Variants in ZBTB5 observed in about 807,000 individuals in gnomAD.
The protein encoded by ZBTB5 is zinc finger and BTB domain containing 5.
A neutral mutation model predicts 37.9 loss-of-function variants in ZBTB5; 15 were observed. The observed-to-expected ratio is 0.40, with a 90% CI of 0.26 to 0.61. The LOEUF (loss-of-function observed/expected upper bound fraction) is 0.61. Among genes scored for constraint, ZBTB5 ranks in the 20% least tolerant of loss-of-function variants. The pLI is 0.47. For missense variants in ZBTB5, 708 were observed against 856.8 expected (o/e 0.83, Z 2.17); for synonymous variants, 315 against 312.4 (o/e 1.01, Z -0.09).
intron 1 of ZBTB5, among the ~76,000 whole-genome samples, chr9:37,464,037 C>T (rs1824343235): frequency 6.6e-6 from 1 of 152,178 alleles, no homozygotes; most frequent in South Asian, 2.1e-4. Context: ...AGGGGCTTTT[C>T]TCTAAAATTC....
intron 1 of ZBTB5, among the ~76,000 whole-genome samples, chr9:37,460,200 G>A (rs1198827027): frequency 6.6e-6 from 1 of 151,874 alleles, no homozygotes; most frequent in African/African-American, 2.4e-5. Flanking sequence ...CACTTTGGGA[G>A]GCCGAGGCGG....
chr9:37,459,686 C>G (rs1423198863), intron 1 of ZBTB5, among the ~76,000 whole-genome samples: 2 of 147,866 alleles, frequency 1.4e-5, no homozygotes, highest in Non-Finnish European at 3.0e-5. Context: ...GCTGGGATTA[C>G]AGGCGTGCAC....
At chr9:37,461,468 C>T (rs7847209) in intron 1 of ZBTB5, among the ~76,000 whole-genome samples, 9,261 of 152,302 alleles carry the variant, frequency 0.061, 335 homozygotes, top group African/African-American at 0.11. Flanking sequence ...GGCTCTCATG[C>T]CTGTAATCAC....
intron 1 of ZBTB5, among the ~76,000 whole-genome samples, chr9:37,446,100 C>G (rs960079030): frequency 6.6e-6 from 1 of 152,038 alleles, no homozygotes; most frequent in Non-Finnish European, 1.5e-5. Context: ...GAGCAAGTCT[C>G]TGTCTCAAAT....
rs77950374 is a variant in ZBTB5 at position 37,457,784 on chromosome 9, C to A, written c.-5+7431G>T. On this transcript the variant is annotated intron_variant, in intron 1 of 1. Coordinates refer to ENST00000307750, the MANE Select transcript of ZBTB5 (RefSeq NM_014872.3). Reference sequence around the variant, plus strand: ...TAGGTCTTGGTTGGATTTGGACAAACCCCTAGACAGAGGTAAAGGTGGAGA... The same window carrying A: ...TAGGTCTTGGTTGGATTTGGACAAAACCCTAGACAGAGGTAAAGGTGGAGA... Among the ~76,000 whole-genome samples, 1,314 of 152,248 alleles carry A rather than the reference C, an allele frequency of 8.6e-3. 9 individuals are homozygous for A. Among genetic ancestry groups the A allele is most frequent in the Non-Finnish European group, 0.013 (900 of 68,012 alleles).
At chr9:37,460,894 GAA>G (rs58774719) in intron 1 of ZBTB5, among the ~76,000 whole-genome samples, 16 of 149,182 alleles carry the variant, frequency 1.1e-4, no homozygotes, top group Middle Eastern at 3.4e-3. Context: ...AAAGTAGAAA[GAA>G]AAAAAAAAAC....
At position 37,440,992 on chromosome 9, in the gene ZBTB5, T is replaced by C. The variant is rs753025849; in HGVS notation, c.1560A>G (p.Val520=). 1 of 1,614,174 alleles carries C rather than the reference T, an allele frequency of 6.2e-7. No individual in the cohort carries two copies. ...CTCCTCCCCTTGGGGAACCTATCATTACCCTGGAGAAGGAGGAGTGGAGGC... is the reference window on the plus strand; with the variant it reads ...CTCCTCCCCTTGGGGAACCTATCATCACCCTGGAGAAGGAGGAGTGGAGGC... ...GLGLHSSFSR[V]MIGSPRGGAS... Residue 520 remains valine (V), a synonymous_variant, in exon 2 of 2, where the codon GTA becomes GTG. Transcript: ENST00000307750.
At chr9:37,448,117 G>C (rs550360091) in intron 1 of ZBTB5, among the ~76,000 whole-genome samples, 5 of 152,106 alleles carry the variant, frequency 3.3e-5, no homozygotes, top group Non-Finnish European at 7.4e-5. Context: ...CCCCAACAAA[G>C]ATAAAAGGTT....
rs574585750 is a variant in ZBTB5, at chr9:37,457,459, G to A, written c.-5+7756C>T. ...TGCTCTGGCTGGTCTCGAACTCCTG[G>A]GCTCAGGTATTCCTCCTACCTTGGC... is the stretch of plus-strand genomic sequence containing the variant. On this transcript the variant is annotated intron_variant, in intron 1 of 1. Coordinates refer to ENST00000307750, the MANE Select transcript of ZBTB5 (RefSeq NM_014872.3). Among the ~76,000 whole-genome samples, 11 of 152,216 alleles carry A rather than the reference G, an allele frequency of 7.2e-5. No homozygotes were observed. In the South Asian group the frequency reaches 2.1e-3, roughly 29 times the overall value.
In ZBTB5 at chr9:37,440,369, T is replaced by C. The variant is rs1353175691; in HGVS notation, c.*149A>G. 1.5e-6 allele frequency: 1 copy of C among 647,808 alleles called. No individual in the cohort carries two copies. Among genetic ancestry groups the C allele is most frequent in the Non-Finnish European group, 2.6e-6 (1 of 380,920 alleles). 40.1% of individuals were successfully genotyped at this position (647,808 alleles called of 1,614,324 possible). ...TCACTCAGAAATGCAGCAGCACAAATACTACATGTTAGTTCTCCGGTTATT... is the reference window on the plus strand; with the variant it reads ...TCACTCAGAAATGCAGCAGCACAAACACTACATGTTAGTTCTCCGGTTATT... On this transcript the variant is annotated 3_prime_UTR_variant, in exon 2 of 2. Transcript: ENST00000307750.
chr9:37,449,484 G>A (rs997853315), intron 1 of ZBTB5, among the ~76,000 whole-genome samples: 1 of 152,056 alleles, frequency 6.6e-6, no homozygotes, highest in African/African-American at 2.4e-5. Flanking sequence ...GATCACTTGA[G>A]GCCAGGAGTT....
At chr9:37,461,602 G>T (rs1824294709) in intron 1 of ZBTB5, among the ~76,000 whole-genome samples, 1 of 152,096 alleles carries the variant, frequency 6.6e-6, no homozygotes, top group Non-Finnish European at 1.5e-5. Context: ...GGTGGCACGA[G>T]CTGTAGTCCC....
At chr9:37,455,513 C>CT (rs1824170777) in intron 1 of ZBTB5, among the ~76,000 whole-genome samples, 1 of 152,222 alleles carries the variant, frequency 6.6e-6, no homozygotes, top group Non-Finnish European at 1.5e-5. Context: ...TAAAAGAGCA[C>CT]TGTAGCATGC....
At chr9:37,460,360 C>T (rs1028767880) in intron 1 of ZBTB5, among the ~76,000 whole-genome samples, 1 of 151,850 alleles carries the variant, frequency 6.6e-6, no homozygotes, top group African/African-American at 2.4e-5. Flanking sequence ...CGCTTGAACC[C>T]GGGAGGTGGA....
At chr9:37,447,457 A>G (rs1207881751) in intron 1 of ZBTB5, among the ~76,000 whole-genome samples, 1 of 152,112 alleles carries the variant, frequency 6.6e-6, no homozygotes, top group Non-Finnish European at 1.5e-5. Flanking sequence ...AATAAAATAT[A>G]TATTTTTTAC....
At chr9:37,455,951 T>C (rs1588782305) in intron 1 of ZBTB5, among the ~76,000 whole-genome samples, 1 of 151,302 alleles carries the variant, frequency 6.6e-6, no homozygotes, top group East Asian at 1.9e-4. Context: ...CTAGGATTTT[T>C]TTTTTTTTCT....
chr9:37,464,429 AATT>A (rs1186634409), intron 1 of ZBTB5, among the ~76,000 whole-genome samples: 1 of 152,148 alleles, frequency 6.6e-6, no homozygotes, highest in South Asian at 2.1e-4. Context: ...TTTTCCTCCA[AATT>A]ATTTAGGATT....
At position 37,439,471 on chromosome 9, in the gene ZBTB5, CAG is replaced by C. The variant is rs1823813516; in HGVS notation, c.*1045_*1046del. 6.6e-6 allele frequency: 1 copy of C among 152,130 alleles called. No individual in the cohort carries two copies. The highest frequency in any genetic ancestry group is 6.5e-5 in the Admixed American group (1 of 15,280). The allele number at this position is 152,130 out of a possible 1,614,324, so 9.4% of individuals were successfully genotyped here. Reference sequence around the variant, plus strand: ...GTACTGTTAAAAGTATAGTATATAACAGTAATAAAACCTGTGTGGGGCATTTT... The same window carrying C: ...GTACTGTTAAAAGTATAGTATATAACTAATAAAACCTGTGTGGGGCATTTT... On this transcript the variant is annotated 3_prime_UTR_variant, in exon 2 of 2. Transcript: ENST00000307750.
At chr9:37,455,584 T>C (rs1824171951) in intron 1 of ZBTB5, among the ~76,000 whole-genome samples, 1 of 152,130 alleles carries the variant, frequency 6.6e-6, no homozygotes. Context: ...GGCCAGAGCC[T>C]AAAAGAGCTT....
Sources: allele counts gnomAD v4.1 joint callset (sites outside exome capture counted in the v4.1 genomes callset), GRCh38; gene constraint gnomAD v4.1.1; transcripts MANE v1.5; gene names NCBI Gene and HGNC (gene_info 2026-07-23, HGNC 2026-07-21).